The following ERC2 variants were observed in gnomAD, a reference collection of about 807,000 sequenced individuals.
ERC2 encodes ELKS/RAB6-interacting/CAST family member 2.
In ERC2, 42 loss-of-function variants were observed where a neutral mutation model predicts 114.8. The ratio of observed to expected loss-of-function variants is 0.37; its 90% confidence interval spans 0.29 to 0.47. The LOEUF (loss-of-function observed/expected upper bound fraction) is 0.47. ERC2 is among the 20% of genes least tolerant of loss of function. ERC2 has a pLI of 0.99. For synonymous variants in ERC2, 454 were observed against 425.5 expected, an observed-to-expected ratio of 1.07 and a Z score of -0.82; for missense variants, 939 against 1,150.7, an observed-to-expected ratio of 0.82 and a Z score of 2.66.
chr3:56,340,829 T>C (rs1264973819), intron 2 of ERC2, among the ~76,000 whole-genome samples: 4 of 152,124 alleles, frequency 2.6e-5, no homozygotes, highest in Non-Finnish European at 4.4e-5. Context: ...CTTCTCTCTA[T>C]ATGGTGCAAA....
chr3:56,337,975 C>T (rs945299713), intron 2 of ERC2, among the ~76,000 whole-genome samples: 1 of 152,174 alleles, frequency 6.6e-6, no homozygotes, highest in South Asian at 2.1e-4. Flanking sequence ...GGACAAATCT[C>T]ACAAATCCAA....
intron 2 of ERC2, among the ~76,000 whole-genome samples, chr3:56,327,060 C>G (rs1030445651): frequency 6.6e-6 from 1 of 152,214 alleles, no homozygotes; most frequent in Non-Finnish European, 1.5e-5. Context: ...CCAGCTCCAC[C>G]TGCTGACCAG....
intron 7 of ERC2, among the ~76,000 whole-genome samples, chr3:56,073,299 A>G (rs1362055331): frequency 6.6e-6 from 1 of 152,176 alleles, no homozygotes; most frequent in South Asian, 2.1e-4. Context: ...ACTCCTGTAG[A>G]CCAGGGCTTC....
intron 14 of ERC2, among the ~76,000 whole-genome samples, chr3:55,838,210 T>G (rs1575788501): frequency 6.6e-6 from 1 of 152,076 alleles, no homozygotes; most frequent in Non-Finnish European, 1.5e-5. Flanking sequence ...CCACTTTGAC[T>G]TAATTGACAT....
At chr3:55,947,185 T>A (rs1263287581) in intron 13 of ERC2, among the ~76,000 whole-genome samples, 2 of 152,184 alleles carry the variant, frequency 1.3e-5, no homozygotes, top group African/African-American at 2.4e-5. Context: ...TTTACAGCAG[T>A]GTTCAACCAG....
At chr3:56,376,596 C>A (rs1299883903) in intron 2 of ERC2, among the ~76,000 whole-genome samples, 1 of 151,956 alleles carries the variant, frequency 6.6e-6, no homozygotes, top group Non-Finnish European at 1.5e-5. Flanking sequence ...AACCCTGTTT[C>A]TACTAAAAAT....
In ERC2 at chr3:55,884,698, T is replaced by C. The variant is rs147238596; in HGVS notation, c.2564+3691A>G. On this transcript the variant is annotated intron_variant, in intron 14 of 17. Transcript: ENST00000288221. ...ATTCACCAGGGCCTGGTGAATTCCT[T>C]ATGAGTAATCCTGTGAATGGGAGAC... is the stretch of plus-strand genomic sequence containing the variant. 3.1e-3 allele frequency among the ~76,000 whole-genome samples: 472 copies of C among 152,228 alleles called. 3 individuals are homozygous for C. The highest frequency in any genetic ancestry group is 0.011 in the African/African-American group (449 of 41,540).
At chr3:56,178,203 T>C (rs1032877871) in intron 3 of ERC2, among the ~76,000 whole-genome samples, 3 of 152,178 alleles carry the variant, frequency 2.0e-5, no homozygotes, top group African/African-American at 7.2e-5. Context: ...GTCAGAATAA[T>C]GTTCACACAC....
At chr3:55,519,851 C>A (rs777773504) in intron 17 of ERC2, among the ~76,000 whole-genome samples, 1 of 151,872 alleles carries the variant, frequency 6.6e-6, no homozygotes, top group African/African-American at 2.4e-5. Flanking sequence ...GGAAACATGA[C>A]GAAACCAGCC....
intron 7 of ERC2, among the ~76,000 whole-genome samples, 175 bp from the exon 8 acceptor site, chr3:56,019,206 G>C (rs1038768613): frequency 6.6e-5 from 10 of 152,116 alleles, no homozygotes; most frequent in African/African-American, 2.4e-4. Flanking sequence ...TCTCCATTTA[G>C]TTCAAGTCTG....
intron 2 of ERC2, among the ~76,000 whole-genome samples, chr3:56,419,744 A>G (rs892869239): frequency 6.6e-6 from 1 of 152,218 alleles, no homozygotes; most frequent in Non-Finnish European, 1.5e-5. Flanking sequence ...TGATCTAAAT[A>G]TCCTGAGATG....
chr3:56,212,893 C>G (rs895502176), intron 3 of ERC2, among the ~76,000 whole-genome samples: 2 of 152,162 alleles, frequency 1.3e-5, no homozygotes, highest in African/African-American at 4.8e-5. Context: ...CTGGATGGAA[C>G]TGGAGACCAT....
intron 3 of ERC2, among the ~76,000 whole-genome samples, chr3:56,201,873 G>C (rs988555255): frequency 1.3e-5 from 2 of 152,122 alleles, no homozygotes; most frequent in Non-Finnish European, 2.9e-5. Flanking sequence ...TGTTTCCAGC[G>C]AATTCTTCTT....
chr3:56,416,420 G>A (rs1386339450), intron 2 of ERC2, among the ~76,000 whole-genome samples: 1 of 151,978 alleles, frequency 6.6e-6, no homozygotes, highest in African/African-American at 2.4e-5. Flanking sequence ...AGAAGGCAGG[G>A]AGAGATTCCC....
chr3:55,952,179 A>AATATAT (rs2067608452), intron 12 of ERC2, among the ~76,000 whole-genome samples: 1 of 62,110 alleles, frequency 1.6e-5, no homozygotes, highest in East Asian at 4.2e-4. Flanking sequence ...ACACACACAC[A>AATATAT]CTCTCTCTCT....
chr3:56,190,633 C>T (rs756609762), intron 3 of ERC2, among the ~76,000 whole-genome samples: 1 of 151,904 alleles, frequency 6.6e-6, no homozygotes, highest in Non-Finnish European at 1.5e-5. Context: ...GAGATGAGGT[C>T]TTGCTTAGTT....
chr3:55,571,045 T>C (rs1356162493), intron 17 of ERC2, among the ~76,000 whole-genome samples: 2 of 148,602 alleles, frequency 1.3e-5, no homozygotes, highest in East Asian at 2.0e-4. Flanking sequence ...GGAGAATTGT[T>C]TGAACCCAGG....
intron 3 of ERC2, among the ~76,000 whole-genome samples, chr3:56,257,183 G>A (rs568769250): frequency 5.3e-5 from 8 of 152,110 alleles, no homozygotes; most frequent in South Asian, 4.2e-4. Context: ...GTGATCTTCC[G>A]GACACCTCCA....
intron 4 of ERC2, among the ~76,000 whole-genome samples, chr3:56,161,029 T>C (rs2082020477): frequency 1.3e-5 from 2 of 152,200 alleles, no homozygotes; most frequent in Admixed American, 6.5e-5. Flanking sequence ...TGGGCGGTAA[T>C]TGGATCATGG....
Sources: gnomAD v4.1 joint callset for allele counts (sites outside exome capture counted in the v4.1 genomes callset) on GRCh38, gnomAD v4.1.1 for gene constraint, MANE v1.5 for transcripts, NCBI Gene and HGNC (gene_info 2026-07-23, HGNC 2026-07-21) for gene names.